The following RBPMS variants were observed in gnomAD, a reference collection of about 807,000 sequenced individuals.
RBPMS encodes RNA binding protein, mRNA processing factor, also known as RNA-binding protein with multiple splicing.
In RBPMS, 7 loss-of-function variants were observed where a neutral mutation model predicts 26.8. That is an observed-to-expected ratio of 0.26 (90% CI 0.15 to 0.49). The LOEUF is 0.49. RBPMS is among the 20% of genes least tolerant of loss of function. RBPMS has a pLI of 0.98. For synonymous variants in RBPMS, 96 were observed against 93.3 expected (o/e 1.03, Z -0.17); for missense variants, 186 against 250.0 (o/e 0.74, Z 1.73).
At chr8:30,442,175 T>A (rs1252189190) in intron 1 of RBPMS, among the ~76,000 whole-genome samples, 1 of 152,170 alleles carries the variant, frequency 6.6e-6, no homozygotes, top group Non-Finnish European at 1.5e-5. Flanking sequence ...GTGGGAAATG[T>A]CTGACCTAAG....
At chr8:30,529,270 T>G (rs765360420) in intron 5 of RBPMS, among the ~76,000 whole-genome samples, 1 of 152,116 alleles carries the variant, frequency 6.6e-6, no homozygotes, top group East Asian at 1.9e-4. Flanking sequence ...TGCCATTTTT[T>G]TTAGTGTACA....
chr8:30,454,558 C>A lies in RBPMS; in HGVS notation c.67-20221C>A, dbSNP rs147053163. Among the ~76,000 whole-genome samples, 941 of 152,304 alleles carry A rather than the reference C, an allele frequency of 6.2e-3. 17 individuals carry two copies. The highest frequency in any genetic ancestry group is 6.1e-3 in the Non-Finnish European group (412 of 68,026). On this transcript the variant is annotated intron_variant, in intron 1 of 8. Transcript: ENST00000397323. ...TATTTAGAGAAATGAATTATGCATT[C>A]TTTTCCTTATAATTACATAGTTTAT...
intron 6 of RBPMS, chr8:30,556,725 A>T: frequency 1.0e-6 from 1 of 985,898 alleles, no homozygotes. Context: ...CTGTCTCAGG[A>T]AGGCAGCTCC....
chr8:30,425,412 T>G (rs1004918416), intron 1 of RBPMS, among the ~76,000 whole-genome samples: 1 of 152,174 alleles, frequency 6.6e-6, no homozygotes, highest in Non-Finnish European at 1.5e-5. Context: ...TTAATTTCTT[T>G]TTTTTGAAAT....
intron 5 of RBPMS, among the ~76,000 whole-genome samples, chr8:30,529,112 C>T (rs1423991186): frequency 6.6e-6 from 1 of 151,784 alleles, no homozygotes; most frequent in African/African-American, 2.4e-5. Flanking sequence ...CCCAACTACT[C>T]AGGAGGCTGA....
At chr8:30,499,481 T>A (rs1220115668) in intron 4 of RBPMS, among the ~76,000 whole-genome samples, 4 of 152,108 alleles carry the variant, frequency 2.6e-5, no homozygotes, top group Non-Finnish European at 5.9e-5. Context: ...TGGCAAATGA[T>A]CAAAGCTAAT....
chr8:30,548,772 C>T (rs923647092), intron 6 of RBPMS, among the ~76,000 whole-genome samples: 9 of 152,180 alleles, frequency 5.9e-5, no homozygotes, highest in African/African-American at 1.7e-4. Context: ...GCTGTCCCCA[C>T]CTCCCCTGTA....
chr8:30,458,963 C>CTTTTTTTTTTT (rs1243285803), intron 1 of RBPMS, among the ~76,000 whole-genome samples: 1 of 134,086 alleles, frequency 7.5e-6, no homozygotes, highest in Non-Finnish European at 1.6e-5. Flanking sequence ...AGCATGTTGG[C>CTTTTTTTTTTT]TTTTTTTTTT....
intron 6 of RBPMS, chr8:30,547,522 CAAGT>C: frequency 1.3e-6 from 2 of 1,497,750 alleles, no homozygotes; most frequent in East Asian, 2.3e-5. Context: ...AAAATGAACT[CAAGT>C]AGACTGCAGC....
At chr8:30,442,824 C>G (rs924968331) in intron 1 of RBPMS, 1 of 152,114 alleles carries the variant, frequency 6.6e-6, no homozygotes, top group Non-Finnish European at 1.5e-5. Context: ...ATCTCTTTAA[C>G]TTCCTCAGAT....
At chr8:30,436,678 C>T (rs934278894) in intron 1 of RBPMS, among the ~76,000 whole-genome samples, 1 of 152,080 alleles carries the variant, frequency 6.6e-6, no homozygotes, top group Non-Finnish European at 1.5e-5. Flanking sequence ...ACTTTGTTTC[C>T]CTGCTTCTCC....
In RBPMS at chr8:30,558,928, G is replaced by C; in HGVS notation, c.570G>C (p.Trp190Cys). ...CCTCCGAGGCTACTTCTCAGGGCTG[G>C]AAGTCCCGTCAGTTCTGCTGAATAC... The part of the protein sequence containing the change: ...LPPSEATSQG[W>C]KSRQFC The change falls in exon 7 of 9, where the codon TGG becomes TGC. Residue 190 changes from tryptophan to cysteine, a missense_variant. Transcript: ENST00000397323. The C allele has an allele frequency of 6.2e-7, 1 of 1,614,150 alleles. No homozygotes were observed. The highest frequency in any genetic ancestry group is 8.5e-7 in the Non-Finnish European group (1 of 1,180,026).
intron 4 of RBPMS, among the ~76,000 whole-genome samples, chr8:30,502,237 G>A (rs1336301352): frequency 6.6e-6 from 1 of 151,466 alleles, no homozygotes; most frequent in Non-Finnish European, 1.5e-5. Flanking sequence ...TATGAAGAAG[G>A]GGGCAGGGAG....
At chr8:30,516,903 T>TACACACACACACAC (rs139256402) in intron 5 of RBPMS, among the ~76,000 whole-genome samples, 2,246 of 147,302 alleles carry the variant, frequency 0.015, 25 homozygotes, top group African/African-American at 0.023. Flanking sequence ...CATCTCTAAA[T>TACACACACACACAC]ACACACACAC....
intron 7 of RBPMS, chr8:30,562,119 C>A: frequency 2.4e-6 from 2 of 829,740 alleles, no homozygotes; most frequent in Non-Finnish European, 2.9e-6. Context: ...TCACTTGATG[C>A]CAGAAGTTTG....
intron 5 of RBPMS, among the ~76,000 whole-genome samples, chr8:30,510,053 C>T (rs1311130820): frequency 1.3e-5 from 2 of 152,174 alleles, no homozygotes; most frequent in African/African-American, 4.8e-5. Context: ...CAAAGTTTTG[C>T]TGCAAGTGAG....
At chr8:30,409,883 G>A (rs1218545315) in intron 1 of RBPMS, among the ~76,000 whole-genome samples, 1 of 151,994 alleles carries the variant, frequency 6.6e-6, no homozygotes, top group Non-Finnish European at 1.5e-5. Context: ...TGCCCACCTT[G>A]GCCTCCCAAA....
chr8:30,469,652 A>G (rs1816872820), intron 1 of RBPMS, among the ~76,000 whole-genome samples: 1 of 152,218 alleles, frequency 6.6e-6, no homozygotes, highest in Non-Finnish European at 1.5e-5. Context: ...GTGTTCCATA[A>G]AGTAAACATC....
rs559402736 is a variant in RBPMS at position 30,543,768 on chromosome 8, G to T, written c.398-726G>T. Among the ~76,000 whole-genome samples, 81 of 152,316 alleles carry T rather than the reference G, an allele frequency of 5.3e-4. 1 individual carries two copies. The highest frequency in any genetic ancestry group is 4.6e-3 in the South Asian group (22 of 4,826). On this transcript the variant is annotated intron_variant, in intron 5 of 8. Coordinates refer to ENST00000397323, the MANE Select transcript of RBPMS (RefSeq NM_001008710.3). ...GACCTGGGTGGAATTGGAGCTGCCT[G>T]AGGAACACTTAGACCAGGCACTTGG...
Sources: gnomAD v4.1 joint callset for allele counts (sites outside exome capture counted in the v4.1 genomes callset) on GRCh38, gnomAD v4.1.1 for gene constraint, MANE v1.5 for transcripts, NCBI Gene and HGNC (gene_info 2026-07-23, HGNC 2026-07-21) for gene names.